Variants in AFAP1L2 observed in about 807,000 individuals in gnomAD.
The protein encoded by AFAP1L2 is actin filament-associated protein 1-like 2.
A neutral mutation model predicts 99.3 loss-of-function variants in AFAP1L2; 46 were observed. The observed-to-expected ratio is 0.46, with a 90% CI of 0.37 to 0.59. The LOEUF (loss-of-function observed/expected upper bound fraction) is 0.59, where lower values mean the gene tolerates loss of function less well. Ranked by LOEUF, AFAP1L2 falls within the 20% of genes least tolerant of loss-of-function variation. The pLI is 0.00. For synonymous variants in AFAP1L2, 397 were observed against 419.1 expected, an observed-to-expected ratio of 0.95 and a Z score of 0.64; for missense variants, 959 against 1,034.9, an observed-to-expected ratio of 0.93 and a Z score of 1.01.
Position 114,301,917 on chromosome 10 carries a change from C to G in AFAP1L2, c.1430+422G>C, listed in dbSNP as rs1172965560. 4 of 261,752 alleles carry G rather than the reference C, an allele frequency of 1.5e-5. No homozygotes were observed. The East Asian group carries it at 3.6e-4, about 24-fold the overall frequency. The allele number at this position is 261,752 out of a possible 1,614,324, so 16.2% of individuals were successfully genotyped here. ...CTTCCACGAGACTGGCTCTACCACC[C>G]TGACCAGAGAACGCCCTCTCCCTCA... On this transcript the variant is annotated intron_variant, in intron 12 of 18. Coordinates refer to ENST00000304129, the MANE Select transcript of AFAP1L2 (RefSeq NM_001001936.3).
At chr10:114,286,199 AC>A in the AFAP1L2 span, 4 of 1,613,918 alleles carry the variant, frequency 2.5e-6, no homozygotes, top group Non-Finnish European at 2.5e-6. Context: ...TGGTGGCCCC[AC>A]CCTGACGGGC....
intron 1 of AFAP1L2, among the ~76,000 whole-genome samples, chr10:114,391,402 T>C (rs1217575179): frequency 6.6e-6 from 1 of 152,128 alleles, no homozygotes; most frequent in Non-Finnish European, 1.5e-5. Flanking sequence ...GTATTTTTAG[T>C]AGAGACAGGG....
chr10:114,289,948 C>T (rs35431260), downstream of AFAP1L2: 143,140 of 276,532 alleles, frequency 0.52, 40,579 homozygotes, highest in Non-Finnish European at 0.6. Flanking sequence ...GCCAAGATCG[C>T]GCCATTGTAC....
intron 5 of AFAP1L2, among the ~76,000 whole-genome samples, chr10:114,322,807 GGGCCTTGGGCCTGTT>G (rs2045589156): frequency 1.3e-5 from 2 of 152,334 alleles, no homozygotes; most frequent in East Asian, 3.9e-4. Context: ...TTGCTGACCA[GGGCCTTGGGCCTGTT>G]GGCCAACACT....
chr10:114,298,472 T>C (rs979424416), intron 16 of AFAP1L2, among the ~76,000 whole-genome samples: 12 of 152,206 alleles, frequency 7.9e-5, no homozygotes, highest in African/African-American at 2.4e-4. Flanking sequence ...CTCTTGCTTA[T>C]TCATACACCT....
At chr10:114,346,085 CCTT>C (rs1158947056) in intron 1 of AFAP1L2, among the ~76,000 whole-genome samples, 1 of 152,174 alleles carries the variant, frequency 6.6e-6, no homozygotes, top group Non-Finnish European at 1.5e-5. Flanking sequence ...TCGAGACCCT[CCTT>C]CTCTTCTAGG....
chr10:114,397,661 T>A (rs985860359), intron 1 of AFAP1L2, among the ~76,000 whole-genome samples: 3 of 152,188 alleles, frequency 2.0e-5, no homozygotes, highest in African/African-American at 7.2e-5. Flanking sequence ...CCCGGAAGGC[T>A]GGTCATTCAA....
intron 1 of AFAP1L2, among the ~76,000 whole-genome samples, chr10:114,379,305 A>T (rs1390099874): frequency 2.0e-5 from 3 of 151,678 alleles, no homozygotes; most frequent in African/African-American, 7.3e-5. Flanking sequence ...ATAAGAAAGC[A>T]CCTGCCCTGT....
intron 1 of AFAP1L2, among the ~76,000 whole-genome samples, chr10:114,360,586 C>T (rs60075027): frequency 0.064 from 9,165 of 142,656 alleles, 909 homozygotes; most frequent in African/African-American, 0.22. Flanking sequence ...GATAGACAGA[C>T]CGACCTACTG....
At chr10:114,399,961 A>G (rs990713743) in intron 1 of AFAP1L2, among the ~76,000 whole-genome samples, 20 of 152,214 alleles carry the variant, frequency 1.3e-4, no homozygotes, top group African/African-American at 2.4e-4. Context: ...TGTTTTCCAG[A>G]TGGGGAAACT....
At position 114,327,167 on chromosome 10, in the gene AFAP1L2, ATATATATTTTTT is replaced by A. The variant is rs1315733161; in HGVS notation, c.316-3918_316-3907del. Among the ~76,000 whole-genome samples, 367 of 79,532 alleles carry A rather than the reference ATATATATTTTTT, an allele frequency of 4.6e-3. 82 individuals are homozygous for A. The highest frequency in any genetic ancestry group is 7.9e-3 in the Non-Finnish European group (261 of 33,048). 52.2% of individuals were successfully genotyped at this position (79,532 alleles called of 152,430 possible). Reference sequence around the variant, plus strand: ...TATATTTATATATATATATATATATATATATATTTTTTTTTTAGGCAGAGTCTCACTGTGTTG... The same window carrying A: ...TATATTTATATATATATATATATATATTTTAGGCAGAGTCTCACTGTGTTG... On this transcript the variant is annotated intron_variant, in intron 4 of 18. Transcript: ENST00000304129.
Position 114,404,449 on chromosome 10 carries a change from G to A in AFAP1L2, c.7C>T (p.Arg3Trp). The change falls in exon 1 of 19, where the codon CGG becomes TGG. Residue 3 changes from arginine (R) to tryptophan (W), a missense_variant. Arg to Trp is a moderately radical substitution (Grantham distance 101). Coordinates refer to ENST00000304129, the MANE Select transcript of AFAP1L2 (RefSeq NM_001001936.3). ME[R>W]YKALEQLLTE... The stretch of plus-strand genomic sequence containing the variant: ...GAACCCGCGCCCTCACCTTTGTACC[G>A]CTCCATCGGGGCCACGGAGTGCGCT... 1.3e-6 allele frequency: 2 copies of A among 1,541,352 alleles called. No individual in the cohort carries two copies. The highest frequency in any genetic ancestry group is 2.5e-5 in the East Asian group (1 of 40,628).
chr10:114,303,964 G>C (rs1434008136), intron 11 of AFAP1L2, among the ~76,000 whole-genome samples: 1 of 152,198 alleles, frequency 6.6e-6, no homozygotes, highest in East Asian at 1.9e-4. Flanking sequence ...TCCCAAACTA[G>C]GATGTAAGTG....
intron 1 of AFAP1L2, among the ~76,000 whole-genome samples, chr10:114,373,773 C>T (rs1000629749): frequency 2.0e-5 from 3 of 152,188 alleles, no homozygotes; most frequent in Non-Finnish European, 4.4e-5. Context: ...AAGATCAAGG[C>T]CACGGCCCCA....
At position 114,321,362 on chromosome 10, in the gene AFAP1L2, T is replaced by C. The variant is rs970996546; in HGVS notation, c.406+1809A>G. Among the ~76,000 whole-genome samples, 3 of 152,258 alleles carry C rather than the reference T, an allele frequency of 2.0e-5. No homozygotes were observed. In the South Asian group the frequency reaches 6.2e-4, roughly 32 times the overall value. ...ATAAGTGAGAACATAAGATATTTGG[T>C]TTTTCATCCTGAGTTACTTCACTTA... On this transcript the variant is annotated intron_variant, in intron 5 of 18. Coordinates refer to ENST00000304129, the MANE Select transcript of AFAP1L2 (RefSeq NM_001001936.3).
intron 1 of AFAP1L2, chr10:114,340,972 C>T: frequency 1.8e-6 from 1 of 564,022 alleles, no homozygotes; most frequent in East Asian, 3.1e-5. Flanking sequence ...GCTGAAGTCC[C>T]AGCCCTACCA....
intron 1 of AFAP1L2, among the ~76,000 whole-genome samples, chr10:114,388,478 C>T (rs2056780877): frequency 6.6e-6 from 1 of 152,168 alleles, no homozygotes; most frequent in African/African-American, 2.4e-5. Context: ...CCACAACATC[C>T]TGCTTTCTTT....
At chr10:114,290,214 G>C (rs1255293160), downstream of AFAP1L2, 2 of 1,549,762 alleles carry the variant, frequency 1.3e-6, no homozygotes, top group South Asian at 2.4e-5. Context: ...TGGCCGGCCT[G>C]GTGGGTATGG....
chr10:114,288,054 G>A, the AFAP1L2 span, among the ~76,000 whole-genome samples: 2 of 152,116 alleles, frequency 1.3e-5, no homozygotes, highest in Non-Finnish European at 2.9e-5. Context: ...AGAATTTCCA[G>A]TGGTTCCCCT....
Sources: gnomAD v4.1 joint callset for allele counts (sites outside exome capture counted in the v4.1 genomes callset) on GRCh38, gnomAD v4.1.1 for gene constraint, MANE v1.5 for transcripts, NCBI Gene and HGNC (gene_info 2026-07-23, HGNC 2026-07-21) for gene names.